PTPN6: variants seen among roughly 807,000 people sequenced by gnomAD.
The protein encoded by PTPN6 is protein tyrosine phosphatase non-receptor type 6.
In PTPN6, 18 loss-of-function variants were observed where a neutral mutation model predicts 81.5. The ratio of observed to expected loss-of-function variants is 0.22; its 90% CI spans 0.15 to 0.33. PTPN6 has a LOEUF of 0.33. PTPN6 is among the 10% of genes least tolerant of loss of function. PTPN6 has a pLI of 1.00. For synonymous variants in PTPN6, 301 were observed against 310.9 expected (o/e 0.97, Z 0.33); for missense variants, 500 against 794.2 (o/e 0.63, Z 4.45).
At position 6,959,504 on chromosome 12, in the gene PTPN6, T is replaced by G; in HGVS notation, c.1362-423T>G. ...GGCTATCCTTTCCCTGACGTCAGGG[T>G]TTGAAGGAAAAGGGAAGTGAAGCCA... On this transcript the variant is annotated intron_variant, in intron 11 of 15. Coordinates refer to ENST00000318974, the MANE Select transcript of PTPN6 (RefSeq NM_002831.6). The surrounding 1 kb of genome is among the most constrained non-coding windows in gnomAD (Gnocchi z 6.6). 6.7e-6 allele frequency: 2 copies of G among 298,798 alleles called. No individual in the cohort carries two copies. Among genetic ancestry groups the G allele is most frequent in the Non-Finnish European group, 1.3e-5 (2 of 153,130 alleles). 18.5% of individuals were successfully genotyped at this position (298,798 alleles called of 1,614,324 possible). A position where few individuals can be genotyped will look rare whatever the true frequency, so the allele number is the denominator to read the frequency against.
In PTPN6 at chr12:6,957,628, A is replaced by C. The variant is rs1555148916; in HGVS notation, c.1075-26A>C. Reference sequence around the variant, plus strand: ...GCCACAGTGCCCTGCTCTGTGCCTCATCCCCACCCGACCCTCCCTTTCCAG... The same window carrying C: ...GCCACAGTGCCCTGCTCTGTGCCTCCTCCCCACCCGACCCTCCCTTTCCAG... On this transcript the variant is annotated intron_variant, in intron 9 of 15. Transcript: ENST00000318974. The surrounding 1 kb of genome is among the most constrained non-coding windows in gnomAD (Gnocchi z 6.5). 6.2e-7 allele frequency: 1 copy of C among 1,608,936 alleles called. No homozygotes were observed. The highest frequency in any genetic ancestry group is 1.1e-5 in the South Asian group (1 of 90,152).
chr12:6,958,491 G>A (rs1946073256), intron 11 of PTPN6, among the ~76,000 whole-genome samples: 1 of 152,378 alleles, frequency 6.6e-6, no homozygotes, highest in African/African-American at 2.4e-5. Context: ...TGAGGCATGT[G>A]CTCCCCATTC....
chr12:6,950,856 C>T (rs1289422878), upstream of PTPN6, among the ~76,000 whole-genome samples: 1 of 152,170 alleles, frequency 6.6e-6, no homozygotes, highest in Middle Eastern at 3.2e-3. Flanking sequence ...GCCTTAAACT[C>T]CCTGAGCCTC....
chr12:6,954,686 G>C lies in PTPN6; in HGVS notation c.327-119G>C, dbSNP rs1945990031. 4.1e-6 allele frequency: 4 copies of C among 982,488 alleles called. No homozygotes were observed. In the Admixed American group the frequency reaches 8.3e-5, roughly 20 times the overall value. The allele number at this position is 982,488 out of a possible 1,614,324, so 60.9% of individuals were successfully genotyped here. A position where few individuals can be genotyped will look rare whatever the true frequency, so the allele number is the denominator to read the frequency against. On this transcript the variant is annotated intron_variant, in intron 3 of 15. Coordinates refer to ENST00000318974, the MANE Select transcript of PTPN6 (RefSeq NM_002831.6). This position sits in a 1 kb window ranked among gnomAD's most constrained non-coding sequence, Gnocchi z 5.4. ...AATGAGGTGGTGGATTTGGAAGCAT[G>C]TAGCGCAGTGCCTGGCACACAGTAG... is the stretch of plus-strand genomic sequence containing the variant.
Position 6,955,031 on chromosome 12 carries a change from G to C in PTPN6, c.516+37G>C. ...AGGCGGCGGGGGAGCCTCTGCTGAGGCTCCTGTCTGTGACCACAGTGTGGG... is the reference window on the plus strand; with the variant it reads ...AGGCGGCGGGGGAGCCTCTGCTGAGCCTCCTGTCTGTGACCACAGTGTGGG... On this transcript the variant is annotated intron_variant, in intron 4 of 15. Transcript: ENST00000318974. This position sits in a 1 kb window ranked among gnomAD's most constrained non-coding sequence, Gnocchi z 7.2. The C allele has an allele frequency of 6.2e-7, 1 of 1,612,504 alleles. No homozygotes were observed. The highest frequency in any genetic ancestry group is 2.2e-5 in the East Asian group (1 of 44,874).
upstream of PTPN6, chr12:6,951,206 G>C: frequency 2.1e-6 from 3 of 1,402,710 alleles, no homozygotes; most frequent in South Asian, 3.0e-5. The surrounding 1 kb of genome is among the most constrained non-coding windows in gnomAD (Gnocchi z 7.2). Context: ...GATTGCAGAC[G>C]TGTGGGAAGT....
rs782296462 is a variant in PTPN6, at chr12:6,957,710, C to T, written c.1131C>T (p.Tyr377=). Residue 377 remains tyrosine, a synonymous_variant, in exon 10 of 16, where the codon TAC becomes TAT. Transcript: ENST00000318974. The surrounding 1 kb of genome is among the most constrained non-coding windows in gnomAD (Gnocchi z 6.5). ...EVGMQRAYGP[Y]SVTNCGEHDT... is the part of the protein sequence containing the mutation. ...GCATGCAGCGTGCTTATGGGCCCTACTCTGTGACCAACTGCGGGGAGCATG... is the reference window on the plus strand; with the variant it reads ...GCATGCAGCGTGCTTATGGGCCCTATTCTGTGACCAACTGCGGGGAGCATG... 18 of 1,599,564 alleles carry T rather than the reference C, an allele frequency of 1.1e-5. No individual in the cohort carries two copies. The highest frequency in any genetic ancestry group is 1.5e-5 in the Non-Finnish European group (18 of 1,170,624).
In PTPN6 at chr12:6,956,615, T is replaced by G; in HGVS notation, c.1074+47T>G. On this transcript the variant is annotated intron_variant, in intron 9 of 15. Transcript: ENST00000318974. This position sits in a 1 kb window ranked among gnomAD's most constrained non-coding sequence, Gnocchi z 4.1. ...GCATCCGCCCCCGTGCTTGTGGTCA[T>G]GCCATTAAGTCGAAGAGCAGTCAGA... 6.2e-7 allele frequency: 1 copy of G among 1,610,700 alleles called. No individual in the cohort carries two copies. The highest frequency in any genetic ancestry group is 8.5e-7 in the Non-Finnish European group (1 of 1,179,062).
Position 6,956,602 on chromosome 12 carries a change from G to T in PTPN6, c.1074+34G>T. 9 of 1,612,182 alleles carry T rather than the reference G, an allele frequency of 5.6e-6. No individual in the cohort carries two copies. Among genetic ancestry groups the T allele is most frequent in the Non-Finnish European group, 6.8e-6 (8 of 1,179,712 alleles). On this transcript the variant is annotated intron_variant, in intron 9 of 15. Transcript: ENST00000318974. The surrounding 1 kb of genome is among the most constrained non-coding windows in gnomAD (Gnocchi z 4.1). ...CCCCCCCTTCCCCGCATCCGCCCCC[G>T]TGCTTGTGGTCATGCCATTAAGTCG... is the stretch of plus-strand genomic sequence containing the variant.
chr12:6,954,832 G>T lies in PTPN6; in HGVS notation c.354G>T (p.Gly118=). ...ERWYHGHMSG[G]QAETLLQAKG... is the part of the protein sequence containing the mutation. ...GGTACCATGGCCACATGTCTGGCGGGCAGGCAGAGACGCTGCTGCAGGCCA... is the reference window on the plus strand; with the variant it reads ...GGTACCATGGCCACATGTCTGGCGGTCAGGCAGAGACGCTGCTGCAGGCCA... The change falls in exon 4 of 16, where the codon GGG becomes GGT. Residue 118 remains glycine, a synonymous_variant. Coordinates refer to ENST00000318974, the MANE Select transcript of PTPN6 (RefSeq NM_002831.6). The surrounding 1 kb of genome is among the most constrained non-coding windows in gnomAD (Gnocchi z 5.4). 6.2e-7 allele frequency: 1 copy of T among 1,614,066 alleles called. No individual in the cohort carries two copies. Among genetic ancestry groups the T allele is most frequent in the Non-Finnish European group, 8.5e-7 (1 of 1,180,032 alleles).
At position 6,951,716 on chromosome 12, in the gene PTPN6, T is replaced by G; in HGVS notation, c.116T>G (p.Phe39Cys). 6.2e-7 allele frequency: 1 copy of G among 1,612,964 alleles called. No homozygotes were observed. The highest frequency in any genetic ancestry group is 8.5e-7 in the Non-Finnish European group (1 of 1,179,990). The change falls in exon 2 of 16, where the codon TTC becomes TGC. Residue 39 changes from phenylalanine (F) to cysteine (C), a missense_variant. This residue lies in a region of PTPN6 where 98 missense variants were observed against 199.2 expected (regional missense o/e 0.49). Transcript: ENST00000318974. The surrounding 1 kb of genome is among the most constrained non-coding windows in gnomAD (Gnocchi z 7.2). ...CCCAGTCGCAAGAACCAGGGTGACT[T>G]CTCGCTCTCCGTCAGGTAGGTGGGC... ...ARPSRKNQGDFSLSVRVGDQV... is the reference protein window; with the variant it reads ...ARPSRKNQGDCSLSVRVGDQV...
Position 6,959,874 on chromosome 12 carries a change from C to T in PTPN6, c.1362-53C>T. 1 of 1,595,600 alleles carries T rather than the reference C, an allele frequency of 6.3e-7. No individual in the cohort carries two copies. Among genetic ancestry groups the T allele is most frequent in the Non-Finnish European group, 8.6e-7 (1 of 1,166,678 alleles). On this transcript the variant is annotated intron_variant, in intron 11 of 15. Coordinates refer to ENST00000318974, the MANE Select transcript of PTPN6 (RefSeq NM_002831.6). The surrounding 1 kb of genome is among the most constrained non-coding windows in gnomAD (Gnocchi z 6.6). ...GCTGGAGCTGAGCGCTGGGTACCCC[C>T]CTTCCCGGGGAGGGCTTGACTGGCC... is the stretch of plus-strand genomic sequence containing the variant.
Position 6,955,527 on chromosome 12 carries a change from T to C in PTPN6, c.747+42T>C, listed in dbSNP as rs966087881. 18 of 1,598,320 alleles carry C rather than the reference T, an allele frequency of 1.1e-5. No homozygotes were observed. Among genetic ancestry groups the C allele is most frequent in the Non-Finnish European group, 1.5e-5 (17 of 1,166,750 alleles). ...GGCAGGGCTGGGGCAGCTGAGGTGG[T>C]GGCAGCGGCCTGGGGCCCCAGGCGG... On this transcript the variant is annotated intron_variant, in intron 6 of 15. Coordinates refer to ENST00000318974, the MANE Select transcript of PTPN6 (RefSeq NM_002831.6). The surrounding 1 kb of genome is among the most constrained non-coding windows in gnomAD (Gnocchi z 7.2).
chr12:6,955,833 A>C lies in PTPN6; in HGVS notation c.844+77A>C, dbSNP rs1591688078. The C allele has an allele frequency of 2.2e-6, 3 of 1,356,352 alleles. No homozygotes were observed. The highest frequency in any genetic ancestry group is 1.2e-5 in the South Asian group (1 of 84,884). 84.0% of individuals were successfully genotyped at this position (1,356,352 alleles called of 1,614,324 possible). ...GCCTCCCCTCATCTCACAGGTCTCCACCCTCCACGCCAGGAGGGGCCATCT... is the reference window on the plus strand; with the variant it reads ...GCCTCCCCTCATCTCACAGGTCTCCCCCCTCCACGCCAGGAGGGGCCATCT... On this transcript the variant is annotated intron_variant, in intron 7 of 15. Coordinates refer to ENST00000318974, the MANE Select transcript of PTPN6 (RefSeq NM_002831.6). This position sits in a 1 kb window ranked among gnomAD's most constrained non-coding sequence, Gnocchi z 7.2.
Position 6,956,720 on chromosome 12 carries a change from A to G in PTPN6, c.1074+152A>G. ...GAGGGCTAGTGACAAAGTCTCGACTACACAACGTGACCCCCAGATCCCTGC... is the reference window on the plus strand; with the variant it reads ...GAGGGCTAGTGACAAAGTCTCGACTGCACAACGTGACCCCCAGATCCCTGC... On this transcript the variant is annotated intron_variant, in intron 9 of 15. Coordinates refer to ENST00000318974, the MANE Select transcript of PTPN6 (RefSeq NM_002831.6). The surrounding 1 kb of genome is among the most constrained non-coding windows in gnomAD (Gnocchi z 4.1). 2.9e-6 allele frequency: 3 copies of G among 1,031,048 alleles called. No individual in the cohort carries two copies. The highest frequency in any genetic ancestry group is 3.0e-5 in the South Asian group (2 of 67,048). The allele number at this position is 1,031,048 out of a possible 1,614,324, so 63.9% of individuals were successfully genotyped here.
chr12:6,958,122 C>T (rs782487938), intron 11 of PTPN6, 49 bp downstream of exon 11: 10 of 1,598,162 alleles, frequency 6.3e-6, no homozygotes, highest in Admixed American at 1.7e-5. Flanking sequence ...GAAGTAAATA[C>T]TGCTAAGTGC....
At position 6,957,168 on chromosome 12, in the gene PTPN6, A is replaced by G. The variant is rs1378613726; in HGVS notation, c.1075-486A>G. Among the ~76,000 whole-genome samples, 1 of 152,004 alleles carries G rather than the reference A, an allele frequency of 6.6e-6. No homozygotes were observed. The highest frequency in any genetic ancestry group is 1.5e-5 in the Non-Finnish European group (1 of 68,004). ...TCTGCTAGGAAATGACTCTCTCCAC[A>G]CTATCTCTGCCTGGCAGATGCCTCG... On this transcript the variant is annotated intron_variant, in intron 9 of 15. Coordinates refer to ENST00000318974, the MANE Select transcript of PTPN6 (RefSeq NM_002831.6). The surrounding 1 kb of genome is among the most constrained non-coding windows in gnomAD (Gnocchi z 6.5).
In PTPN6 at chr12:6,956,433, C is replaced by G; in HGVS notation, c.939C>G (p.Gly313=). 6.2e-7 allele frequency: 1 copy of G among 1,614,140 alleles called. No individual in the cohort carries two copies. Among genetic ancestry groups the G allele is most frequent in the Non-Finnish European group, 8.5e-7 (1 of 1,180,034 alleles). Residue 313 remains glycine, a synonymous_variant, in exon 9 of 16, where the codon GGC becomes GGG. Coordinates refer to ENST00000318974, the MANE Select transcript of PTPN6 (RefSeq NM_002831.6). This position sits in a 1 kb window ranked among gnomAD's most constrained non-coding sequence, Gnocchi z 4.1. The part of the protein sequence containing the change: ...NANYIKNQLL[G]PDENAKTYIA... ...CTTGCGTCCAGAACCAGCTGCTAGG[C>G]CCTGATGAGAACGCTAAGACCTACA...
Position 6,956,577 on chromosome 12 carries a change from C to G in PTPN6, c.1074+9C>G. 2 of 1,609,606 alleles carry G rather than the reference C, an allele frequency of 1.2e-6. No homozygotes were observed. The highest frequency in any genetic ancestry group is 2.2e-5 in the South Asian group (2 of 91,054). On this transcript the variant is annotated intron_variant, in intron 9 of 15. Coordinates refer to ENST00000318974, the MANE Select transcript of PTPN6 (RefSeq NM_002831.6). This position sits in a 1 kb window ranked among gnomAD's most constrained non-coding sequence, Gnocchi z 4.1. ...AGGTGGAGAAAGGCCGGGTAGGGCG[C>G]CCCCCCTTCCCCGCATCCGCCCCCG...
Sources: allele counts gnomAD v4.1 joint callset (sites outside exome capture counted in the v4.1 genomes callset), GRCh38; gene constraint gnomAD v4.1.1; regional missense constraint gnomAD v4.1.1; non-coding constraint Gnocchi (gnomAD v3.1); transcripts MANE v1.5; gene names NCBI Gene and HGNC (gene_info 2026-07-23, HGNC 2026-07-21).